Variants in CHFR observed in about 807,000 individuals in gnomAD.
CHFR encodes the protein E3 ubiquitin-protein ligase CHFR.
A neutral mutation model predicts 87.6 loss-of-function variants in CHFR; 57 were observed. The ratio of observed to expected loss-of-function variants is 0.65; its 90% CI spans 0.53 to 0.81. The LOEUF (loss-of-function observed/expected upper bound fraction) is 0.81. Among genes scored for constraint, CHFR ranks in the 30% least tolerant of loss-of-function variants. The probability of loss-of-function intolerance (pLI) is 0.00; values close to 1 mark genes in which losing one functional copy is unlikely to be tolerated. For missense variants in CHFR, 797 were observed against 865.8 expected (o/e 0.92, Z 1.00); for synonymous variants, 381 against 359.2 (o/e 1.06, Z -0.69).
intron 7 of CHFR, among the ~76,000 whole-genome samples, chr12:132,860,813 C>T (rs1198289463): frequency 2.0e-5 from 3 of 152,176 alleles, no homozygotes; most frequent in African/African-American, 7.2e-5. Flanking sequence ...AGTGCAATGG[C>T]ACAGTCTTGG....
At chr12:132,848,555 T>C in intron 13 of CHFR, 86 bp downstream of exon 13, 2 of 1,018,272 alleles carry the variant, frequency 2.0e-6, no homozygotes, top group South Asian at 2.8e-5. Context: ...AACATCAGGC[T>C]ATGGACCCCA....
At chr12:132,862,100 C>T (rs938476948) in intron 6 of CHFR, among the ~76,000 whole-genome samples, 1 of 152,004 alleles carries the variant, frequency 6.6e-6, no homozygotes, top group Non-Finnish European at 1.5e-5. Context: ...TGGTGAAACC[C>T]CATCTCTACT....
chr12:132,839,740 CT>C lies in CHFR; in HGVS notation c.*1813del. 5.9e-6 allele frequency: 1 copy of C among 168,550 alleles called. No individual in the cohort carries two copies. The highest frequency in any genetic ancestry group is 1.3e-5 in the Non-Finnish European group (1 of 78,044). The allele number at this position is 168,550 out of a possible 1,614,324, so 10.4% of individuals were successfully genotyped here. A position where few individuals can be genotyped will look rare whatever the true frequency, so the allele number is the denominator to read the frequency against. Reference sequence around the variant, plus strand: ...CCCCTGCACAAACGTGCAAACTCCCCTTTTGGCTTCATCCATGCACAAACTT... The same window carrying C: ...CCCCTGCACAAACGTGCAAACTCCCCTTTGGCTTCATCCATGCACAAACTT... On this transcript the variant is annotated 3_prime_UTR_variant, in exon 18 of 18. Coordinates refer to ENST00000450056, the MANE Select transcript of CHFR (RefSeq NM_001161346.2).
intron 9 of CHFR, 46 bp from the exon 10 acceptor site, chr12:132,856,676 G>A (rs1210281107): frequency 1.3e-6 from 2 of 1,595,470 alleles, no homozygotes; most frequent in Non-Finnish European, 1.7e-6. Flanking sequence ...GTGAGACATG[G>A]CAGGCAGACA....
chr12:132,853,583 A>T lies in CHFR; in HGVS notation c.1230-10T>A. The stretch of plus-strand genomic sequence containing the variant: ...CACGACGTATGGCTGGCTGCAAGGA[A>T]GCACAGGGCCGAGCTGTGTGCAGGC... On this transcript the variant is annotated splice_polypyrimidine_tract_variant and intron_variant, in intron 10 of 17. Transcript: ENST00000450056. 3 of 1,525,654 alleles carry T rather than the reference A, an allele frequency of 2.0e-6. No individual in the cohort carries two copies. The highest frequency in any genetic ancestry group is 2.6e-6 in the Non-Finnish European group (3 of 1,140,276). 94.5% of individuals were successfully genotyped at this position (1,525,654 alleles called of 1,614,324 possible).
At position 132,838,628 on chromosome 12, in the gene CHFR, G is replaced by T. The variant is rs1422865411; in HGVS notation, c.*2926C>A. 1 of 152,440 alleles carries T rather than the reference G, an allele frequency of 6.6e-6. No homozygotes were observed. The highest frequency in any genetic ancestry group is 1.5e-5 in the Non-Finnish European group (1 of 68,190). The allele number at this position is 152,440 out of a possible 1,614,324, so 9.4% of individuals were successfully genotyped here. ...CAAGGCTGGGCCAAGGAGCCAGGAA[G>T]AAGCAGTGGGATCTGCAGCAGCACC... On this transcript the variant is annotated 3_prime_UTR_variant, in exon 18 of 18. Transcript: ENST00000450056.
chr12:132,837,013 G>A lies in CHFR; in HGVS notation c.*4541C>T. The A allele has an allele frequency of 2.8e-6, 1 of 354,192 alleles. No homozygotes were observed. The highest frequency in any genetic ancestry group is 5.5e-6 in the Non-Finnish European group (1 of 180,466). The allele number at this position is 354,192 out of a possible 1,614,324, so 21.9% of individuals were successfully genotyped here. ...GGGAAACTAGACTGGCTGGCGGGGT[G>A]GGGGCAGCCCTGCAGGAGCTGAATG... On this transcript the variant is annotated 3_prime_UTR_variant, in exon 18 of 18. Transcript: ENST00000450056.
chr12:132,845,487 T>A (rs903532174), intron 15 of CHFR, among the ~76,000 whole-genome samples: 1 of 148,964 alleles, frequency 6.7e-6, no homozygotes, highest in South Asian at 2.1e-4. Context: ...TAAATAAAAA[T>A]AAAAAAACTA....
intron 6 of CHFR, among the ~76,000 whole-genome samples, chr12:132,865,532 C>CCA (rs2136998176): frequency 6.6e-6 from 1 of 152,026 alleles, no homozygotes; most frequent in South Asian, 2.1e-4. Flanking sequence ...GCCACCATGC[C>CCA]TGGATAATTT....
chr12:132,848,750 C>T (rs748026869), intron 12 of CHFR, 26 bp from the exon 13 acceptor site: 4 of 1,523,278 alleles, frequency 2.6e-6, no homozygotes, highest in East Asian at 2.4e-5. Context: ...ACTCGTTACA[C>T]GCACTCAGCG....
At chr12:132,857,655 C>A in intron 8 of CHFR, 96 bp from the exon 9 acceptor site, 1 of 1,209,922 alleles carries the variant, frequency 8.3e-7, no homozygotes, top group Middle Eastern at 2.5e-4. Flanking sequence ...GAAGGGCCTA[C>A]AGGGGCCCAG....
At chr12:132,858,020 G>A (rs1346549642) in intron 8 of CHFR, among the ~76,000 whole-genome samples, 3 of 152,190 alleles carry the variant, frequency 2.0e-5, no homozygotes, top group Admixed American at 6.6e-5. Flanking sequence ...TACAGCCTCC[G>A]GCTCTGGGTT....
Position 132,869,659 on chromosome 12 carries a change from C to T in CHFR, c.543G>A (p.Thr181=), listed in dbSNP as rs75391939. The change falls in exon 6 of 18, where the codon ACG becomes ACA. Residue 181 remains threonine (T), a synonymous_variant. Transcript: ENST00000450056. ...DLFPTASASS[T]EPSPAGRERS... is the part of the protein sequence containing the mutation. ...GCTCTCGCCCTGCAGGAGAAGGCTC[C>T]GTGGAAGAGGCCGAGGCTGTGGGGA... 0.011 allele frequency: 16,456 copies of T among 1,551,600 alleles called. 120 individuals carry two copies. The highest frequency in any genetic ancestry group is 0.014 in the South Asian group (1,183 of 84,044).
intron 4 of CHFR, among the ~76,000 whole-genome samples, chr12:132,871,634 T>C (rs1038566324): frequency 2.0e-5 from 3 of 151,850 alleles, no homozygotes; most frequent in African/African-American, 2.4e-5. Context: ...GAGCCGGGCG[T>C]GGTGGTGGGC....
chr12:132,865,653 CTTTTTTT>C (rs57560560), intron 6 of CHFR, among the ~76,000 whole-genome samples: 5 of 58,218 alleles, frequency 8.6e-5, no homozygotes, highest in African/African-American at 3.3e-4. Context: ...GATTACAGGT[CTTTTTTT>C]TTTTTTTTTT....
chr12:132,873,286 C>T (rs1235435342), intron 3 of CHFR, among the ~76,000 whole-genome samples: 1 of 152,108 alleles, frequency 6.6e-6, no homozygotes, highest in Non-Finnish European at 1.5e-5. Flanking sequence ...ATTGCCACTA[C>T]TCAGCTCTGC....
In CHFR at chr12:132,835,565, A is replaced by C. The variant is rs1227221545; in HGVS notation, c.*5989T>G. 1 of 174,074 alleles carries C rather than the reference A, an allele frequency of 5.7e-6. No homozygotes were observed. The highest frequency in any genetic ancestry group is 5.6e-5 in the Admixed American group (1 of 17,778). 10.8% of individuals were successfully genotyped at this position (174,074 alleles called of 1,614,324 possible). ...GGAAGAGATTAGGGCACAAACACGCATGAAGAGAAGATGACGTGAGAACTC... is the reference window on the plus strand; with the variant it reads ...GGAAGAGATTAGGGCACAAACACGCCTGAAGAGAAGATGACGTGAGAACTC... On this transcript the variant is annotated 3_prime_UTR_variant, in exon 18 of 18. Coordinates refer to ENST00000450056, the MANE Select transcript of CHFR (RefSeq NM_001161346.2).
Position 132,837,162 on chromosome 12 carries a change from T to C in CHFR, c.*4392A>G. 1 of 276,002 alleles carries C rather than the reference T, an allele frequency of 3.6e-6. No homozygotes were observed. Among genetic ancestry groups the C allele is most frequent in the East Asian group, 1.1e-4 (1 of 9,414 alleles). 17.1% of individuals were successfully genotyped at this position (276,002 alleles called of 1,614,324 possible). A position where few individuals can be genotyped will look rare whatever the true frequency, so the allele number is the denominator to read the frequency against. ...AGAAGCAGGTAGGGAGAAGAGGTTT[T>C]CTGAGGGGTGGAGGCAGGGGTCATA... On this transcript the variant is annotated 3_prime_UTR_variant, in exon 18 of 18. Coordinates refer to ENST00000450056, the MANE Select transcript of CHFR (RefSeq NM_001161346.2).
At chr12:132,884,580 G>A (rs867301655) in intron 2 of CHFR, among the ~76,000 whole-genome samples, 1 of 152,102 alleles carries the variant, frequency 6.6e-6, no homozygotes, top group South Asian at 2.1e-4. Flanking sequence ...GGGCCTGTGA[G>A]CTGATAAATG....
Sources: gnomAD v4.1 joint callset for allele counts (sites outside exome capture counted in the v4.1 genomes callset) on GRCh38, gnomAD v4.1.1 for gene constraint, MANE v1.5 for transcripts, NCBI Gene and HGNC (gene_info 2026-07-23, HGNC 2026-07-21) for gene names.